The following CYB5A variants were observed in gnomAD, a reference collection of about 807,000 sequenced individuals.
CYB5A encodes cytochrome b5 type A, also known as cytochrome b5.
A neutral mutation model predicts 16.2 loss-of-function variants in CYB5A; 10 were observed. The ratio of observed to expected loss-of-function variants is 0.62; its 90% CI spans 0.38 to 1.04. The LOEUF (loss-of-function observed/expected upper bound fraction) is 1.04, where lower values mean the gene tolerates loss of function less well. Ranked by LOEUF, CYB5A falls within the 50% of genes least tolerant of loss-of-function variation. The probability of loss-of-function intolerance (pLI) is 0.01; values close to 1 mark genes in which losing one functional copy is unlikely to be tolerated. For missense variants in CYB5A, 161 were observed against 165.9 expected, an observed-to-expected ratio of 0.97 and a Z score of 0.16; for synonymous variants, 62 against 57.0, an observed-to-expected ratio of 1.09 and a Z score of -0.40.
chr18:74,254,333 T>C (rs945267513), intron 4 of CYB5A, among the ~76,000 whole-genome samples: 1 of 147,600 alleles, frequency 6.8e-6, no homozygotes, highest in Non-Finnish European at 1.5e-5. Context: ...TGTGCTGAAG[T>C]GGATTTAAAG....
intron 2 of CYB5A, 76 bp downstream of exon 2, chr18:74,263,273 G>A: frequency 6.3e-7 from 1 of 1,585,202 alleles, no homozygotes; most frequent in Middle Eastern, 1.7e-4. Flanking sequence ...GTGTATACAT[G>A]CAAGCTTACA....
intron 1 of CYB5A, among the ~76,000 whole-genome samples, chr18:74,287,004 G>GAT (rs1326395802): frequency 6.6e-6 from 1 of 152,076 alleles, no homozygotes; most frequent in Non-Finnish European, 1.5e-5. Flanking sequence ...AAAATATAGA[G>GAT]ATATATATAG....
chr18:74,252,561 T>A lies in CYB5A; in HGVS notation c.*1023A>T, dbSNP rs186610892. On this transcript the variant is annotated 3_prime_UTR_variant, in exon 5 of 5. Coordinates refer to ENST00000340533, the MANE Select transcript of CYB5A (RefSeq NM_148923.4). ...GGAATTCTTAAAACTTTAGAACCTATGAAGCTGTGAGTGCCTTTGCAATGA... is the reference window on the plus strand; with the variant it reads ...GGAATTCTTAAAACTTTAGAACCTAAGAAGCTGTGAGTGCCTTTGCAATGA... The A allele has an allele frequency of 2.8e-4, 42 of 152,352 alleles. No individual in the cohort carries two copies. The highest frequency in any genetic ancestry group is 9.4e-4 in the African/African-American group (39 of 41,580). The allele number at this position is 152,352 out of a possible 1,614,324, so 9.4% of individuals were successfully genotyped here. A position where few individuals can be genotyped will look rare whatever the true frequency, so the allele number is the denominator to read the frequency against.
chr18:74,271,681 C>T (rs565536498), intron 1 of CYB5A, among the ~76,000 whole-genome samples: 2 of 151,772 alleles, frequency 1.3e-5, no homozygotes, highest in Admixed American at 6.6e-5. Flanking sequence ...TCTGTGTGTG[C>T]GGTGAGATCA....
At chr18:74,268,895 C>T (rs754657037) in intron 1 of CYB5A, among the ~76,000 whole-genome samples, 1 of 152,080 alleles carries the variant, frequency 6.6e-6, no homozygotes, top group Non-Finnish European at 1.5e-5. Context: ...CAGGCTTTTG[C>T]GAAATCTCCA....
intron 1 of CYB5A, among the ~76,000 whole-genome samples, chr18:74,266,264 A>G (rs6566789): frequency 0.65 from 98,500 of 152,108 alleles, 32,690 homozygotes; most frequent in Middle Eastern, 0.77. Flanking sequence ...TACTGAGTAG[A>G]GAGAAGCCAC....
At chr18:74,262,859 A>G (rs531787139) in intron 2 of CYB5A, among the ~76,000 whole-genome samples, 17 of 152,176 alleles carry the variant, frequency 1.1e-4, no homozygotes, top group African/African-American at 2.4e-5. Flanking sequence ...CCAGTAAACA[A>G]TGCAACCAGG....
intron 2 of CYB5A, among the ~76,000 whole-genome samples, chr18:74,262,275 G>A (rs1041236535): frequency 3.9e-5 from 6 of 152,104 alleles, no homozygotes; most frequent in East Asian, 1.9e-4. Context: ...CCAACATGGC[G>A]AAACCCCATC....
chr18:74,284,877 C>A (rs1167787593), intron 1 of CYB5A, among the ~76,000 whole-genome samples: 1 of 152,210 alleles, frequency 6.6e-6, no homozygotes, highest in Non-Finnish European at 1.5e-5. Context: ...ATCCACAGAG[C>A]CGTCAGCTCT....
At chr18:74,283,063 T>A (rs1018415032) in intron 1 of CYB5A, among the ~76,000 whole-genome samples, 2 of 152,058 alleles carry the variant, frequency 1.3e-5, no homozygotes, top group African/African-American at 4.8e-5. Context: ...GTGGCCACCA[T>A]GAGAGGTGGC....
intron 1 of CYB5A, among the ~76,000 whole-genome samples, chr18:74,263,820 G>T (rs1202871196): frequency 6.6e-6 from 1 of 152,116 alleles, no homozygotes; most frequent in Non-Finnish European, 1.5e-5. Context: ...GCTGAGGTGG[G>T]AGGATGGCAC....
chr18:74,267,043 GGA>G (rs149309645), intron 1 of CYB5A, among the ~76,000 whole-genome samples: 12 of 151,128 alleles, frequency 7.9e-5, no homozygotes, highest in Non-Finnish European at 1.2e-4. Context: ...TATGTATTAC[GGA>G]GAGAGAGAGA....
chr18:74,272,782 T>G (rs1171965466), intron 1 of CYB5A, among the ~76,000 whole-genome samples: 1 of 151,766 alleles, frequency 6.6e-6, no homozygotes, highest in East Asian at 1.9e-4. Context: ...ATTAGCCAGG[T>G]GTAGTGGTGG....
At chr18:74,256,953 T>C in intron 3 of CYB5A, 11 of 1,003,958 alleles carry the variant, frequency 1.1e-5, no homozygotes, top group Non-Finnish European at 1.7e-5. Flanking sequence ...ATAAAAAGTA[T>C]TCATAACTAC....
intron 1 of CYB5A, among the ~76,000 whole-genome samples, chr18:74,268,114 G>A (rs1982518849): frequency 6.6e-6 from 1 of 152,254 alleles, no homozygotes; most frequent in African/African-American, 2.4e-5. Context: ...CACAGTCGGA[G>A]CCAAGATAGC....
At chr18:74,269,349 T>A (rs1982574396) in intron 1 of CYB5A, among the ~76,000 whole-genome samples, 2 of 116,416 alleles carry the variant, frequency 1.7e-5, no homozygotes, top group African/African-American at 5.5e-5. Context: ...CTCCTGATCG[T>A]CTACGTGTCT....
At chr18:74,289,709 G>A (rs1053723140) in intron 1 of CYB5A, among the ~76,000 whole-genome samples, 9 of 150,682 alleles carry the variant, frequency 6.0e-5, no homozygotes, top group South Asian at 2.1e-4. Flanking sequence ...CCAGGAGGCA[G>A]AGGTTGCAGT....
intron 1 of CYB5A, among the ~76,000 whole-genome samples, chr18:74,266,975 A>G (rs891331048): frequency 1.3e-5 from 2 of 152,166 alleles, no homozygotes; most frequent in Non-Finnish European, 2.9e-5. Context: ...ACTCATCTTG[A>G]TAAGACAGTA....
chr18:74,279,865 GT>G (rs1455338506), intron 1 of CYB5A, among the ~76,000 whole-genome samples: 1 of 152,070 alleles, frequency 6.6e-6, no homozygotes, highest in Admixed American at 6.6e-5. Context: ...TAACTATTTA[GT>G]CCTTTCTATG....
Sources: gnomAD v4.1 joint callset for allele counts (sites outside exome capture counted in the v4.1 genomes callset) on GRCh38, gnomAD v4.1.1 for gene constraint, MANE v1.5 for transcripts, NCBI Gene and HGNC (gene_info 2026-07-23, HGNC 2026-07-21) for gene names.